The following L3MBTL4 variants were observed in gnomAD, a reference collection of about 807,000 sequenced individuals.
L3MBTL4 encodes the protein lethal(3)malignant brain tumor-like protein 4.
L3MBTL4 carries 70 observed loss-of-function variants against 84.5 expected under a neutral mutation model. The ratio of observed to expected loss-of-function variants is 0.83; its 90% CI spans 0.68 to 1.01. The LOEUF (loss-of-function observed/expected upper bound fraction) is 1.01. L3MBTL4 is among the 50% of genes least tolerant of loss of function. The probability of loss-of-function intolerance (pLI) is 0.00; values close to 1 mark genes in which losing one functional copy is unlikely to be tolerated. For synonymous variants in L3MBTL4, 274 were observed against 259.8 expected, an observed-to-expected ratio of 1.05 and a Z score of -0.52; for missense variants, 715 against 754.8, an observed-to-expected ratio of 0.95 and a Z score of 0.62.
chr18:6,049,640 G>A (rs1443752352), intron 16 of L3MBTL4, among the ~76,000 whole-genome samples: 3 of 152,160 alleles, frequency 2.0e-5, no homozygotes, highest in Admixed American at 6.5e-5. Flanking sequence ...CTGCATGTAC[G>A]TGGTTATAAG....
chr18:6,144,009 A>T (rs765099420), intron 13 of L3MBTL4, among the ~76,000 whole-genome samples: 4 of 152,078 alleles, frequency 2.6e-5, no homozygotes, highest in Admixed American at 6.5e-5. Context: ...TATCCTGGCT[A>T]ACACGGTGAA....
At chr18:6,265,067 A>C (rs947235419) in intron 4 of L3MBTL4, among the ~76,000 whole-genome samples, 38 of 152,250 alleles carry the variant, frequency 2.5e-4, no homozygotes, top group African/African-American at 8.9e-4. Flanking sequence ...AAGTAGGAAA[A>C]AGAAGCAGTT....
chr18:6,409,180 T>A (rs1268415551), intron 1 of L3MBTL4, among the ~76,000 whole-genome samples: 1 of 152,238 alleles, frequency 6.6e-6, no homozygotes, highest in East Asian at 1.9e-4. Context: ...AGGAGTCAGA[T>A]AGCTGCTCTT....
intron 1 of L3MBTL4, among the ~76,000 whole-genome samples, chr18:6,357,931 G>GT (rs935367144): frequency 6.6e-6 from 1 of 152,182 alleles, no homozygotes; most frequent in African/African-American, 2.4e-5. Flanking sequence ...TTTTCTTTCA[G>GT]TTCCTTGGGA....
chr18:6,124,626 G>C (rs979903343), intron 14 of L3MBTL4, among the ~76,000 whole-genome samples: 1 of 152,016 alleles, frequency 6.6e-6, no homozygotes, highest in East Asian at 1.9e-4. Context: ...CCATCAAATT[G>C]CTTTCAAGGG....
At chr18:6,219,568 G>T (rs915256714) in intron 10 of L3MBTL4, among the ~76,000 whole-genome samples, 4 of 149,528 alleles carry the variant, frequency 2.7e-5, no homozygotes, top group African/African-American at 9.8e-5. Context: ...CAGAAATTAG[G>T]ATCAAGGAAG....
intron 15 of L3MBTL4, among the ~76,000 whole-genome samples, chr18:6,084,623 T>C (rs2058197298): frequency 6.6e-6 from 1 of 152,202 alleles, no homozygotes; most frequent in African/African-American, 2.4e-5. Context: ...CCTGCAGCTG[T>C]TGCATTCTGC....
chr18:6,049,870 A>G (rs1463330452), intron 16 of L3MBTL4, among the ~76,000 whole-genome samples: 1 of 152,250 alleles, frequency 6.6e-6, no homozygotes, highest in Non-Finnish European at 1.5e-5. Flanking sequence ...AATTGAAAAT[A>G]AAAGTTGAAA....
At chr18:6,041,887 G>T (rs2145721219) in intron 16 of L3MBTL4, among the ~76,000 whole-genome samples, 1 of 151,696 alleles carries the variant, frequency 6.6e-6, no homozygotes, top group East Asian at 1.9e-4. Flanking sequence ...ACCATGCCTG[G>T]CTAATTTTTT....
chr18:6,318,514 A>T (rs2051231247), intron 1 of L3MBTL4, among the ~76,000 whole-genome samples: 1 of 147,070 alleles, frequency 6.8e-6, no homozygotes, highest in Admixed American at 6.8e-5. Context: ...AAAAAAAAAA[A>T]AAAAAAAAAA....
At chr18:6,384,370 T>C (rs533786133) in intron 1 of L3MBTL4, among the ~76,000 whole-genome samples, 1 of 152,244 alleles carries the variant, frequency 6.6e-6, no homozygotes, top group East Asian at 1.9e-4. Flanking sequence ...TCACATGGAA[T>C]TGGAGTCTCT....
intron 16 of L3MBTL4, among the ~76,000 whole-genome samples, chr18:6,039,272 T>C (rs1364981989): frequency 6.6e-6 from 1 of 152,118 alleles, no homozygotes; most frequent in Non-Finnish European, 1.5e-5. Context: ...ACTAATACAG[T>C]TGCTATCTAG....
intron 5 of L3MBTL4, among the ~76,000 whole-genome samples, chr18:6,247,592 C>T (rs143905984): frequency 0.021 from 3,084 of 149,822 alleles, 114 homozygotes; most frequent in African/African-American, 0.073. Context: ...GATTCTCCTG[C>T]CTCAGCATCC....
At chr18:6,024,230 C>A (rs1038805783) in intron 16 of L3MBTL4, among the ~76,000 whole-genome samples, 1 of 152,140 alleles carries the variant, frequency 6.6e-6, no homozygotes, top group East Asian at 1.9e-4. Context: ...CCCTCACTTA[C>A]GCATTTTGAA....
intron 16 of L3MBTL4, among the ~76,000 whole-genome samples, chr18:6,050,555 G>T (rs1262261392): frequency 6.6e-6 from 1 of 152,098 alleles, no homozygotes; most frequent in Non-Finnish European, 1.5e-5. Context: ...AAAGTATATA[G>T]CTTAGGGCAA....
At chr18:5,997,807 A>G (rs774416214) in intron 16 of L3MBTL4, among the ~76,000 whole-genome samples, 77 of 152,300 alleles carry the variant, frequency 5.1e-4, no homozygotes, top group Non-Finnish European at 7.4e-5. Flanking sequence ...AAATTGGTTG[A>G]GACCTGTCTC....
chr18:6,151,213 C>A (rs1415245050), intron 13 of L3MBTL4, among the ~76,000 whole-genome samples: 1 of 152,166 alleles, frequency 6.6e-6, no homozygotes, highest in Non-Finnish European at 1.5e-5. Context: ...ACCCAGTCCA[C>A]CCACTTATTT....
intron 17 of L3MBTL4, among the ~76,000 whole-genome samples, chr18:5,961,609 C>T (rs1225815175): frequency 2.0e-5 from 3 of 152,186 alleles, no homozygotes; most frequent in African/African-American, 7.2e-5. Flanking sequence ...AAACCTCCCA[C>T]ACCAGCCATA....
rs11281784 is a variant in L3MBTL4, at chr18:6,222,949, T to TTATAATATAATATAATATAA, written c.785-7134_785-7115dup. Among the ~76,000 whole-genome samples the TTATAATATAATATAATATAA allele has an allele frequency of 4.7e-3, 690 of 145,632 alleles. 1 individual carries two copies. The highest frequency in any genetic ancestry group is 0.01 in the East Asian group (52 of 4,982). ...TTTCTTTGGACTGTAAATTTTTCTA[T>TTATAATATAATATAATATAA]TATAATATAATATAATATAATATAA... On this transcript the variant is annotated intron_variant, in intron 10 of 18. Transcript: ENST00000317931.
Sources: gnomAD v4.1 joint callset for allele counts (sites outside exome capture counted in the v4.1 genomes callset) on GRCh38, gnomAD v4.1.1 for gene constraint, MANE v1.5 for transcripts, NCBI Gene and HGNC (gene_info 2026-07-23, HGNC 2026-07-21) for gene names.